The following EPB41L4A variants were observed in gnomAD, a reference collection of about 807,000 sequenced individuals.
EPB41L4A encodes band 4.1-like protein 4A.
Under a neutral mutation model 108.6 loss-of-function variants are expected in EPB41L4A, and 100 were observed. The ratio of observed to expected loss-of-function variants is 0.92; its 90% CI spans 0.78 to 1.09. The LOEUF (loss-of-function observed/expected upper bound fraction) is 1.09. Ranked by LOEUF, EPB41L4A falls within the 50% of genes least tolerant of loss-of-function variation. The pLI, the probability that EPB41L4A is intolerant of heterozygous loss-of-function variation, is 0.00. For synonymous variants in EPB41L4A, 319 were observed against 289.0 expected, an observed-to-expected ratio of 1.10 and a Z score of -1.05; for missense variants, 1,030 against 842.7, an observed-to-expected ratio of 1.22 and a Z score of -2.75.
At chr5:112,406,344 G>T (rs1233569489) in intron 1 of EPB41L4A, among the ~76,000 whole-genome samples, 1 of 152,118 alleles carries the variant, frequency 6.6e-6, no homozygotes, top group East Asian at 1.9e-4. Flanking sequence ...TTCCTGGAGA[G>T]ATATGCAGCA....
intron 1 of EPB41L4A, among the ~76,000 whole-genome samples, chr5:112,368,740 C>T (rs1561614768): frequency 1.3e-5 from 2 of 152,186 alleles, no homozygotes; most frequent in Admixed American, 1.3e-4. Context: ...CTCCCCACAA[C>T]TATTAGATGC....
In EPB41L4A at chr5:112,169,063, T is replaced by C. The variant is rs747025327; in HGVS notation, c.1782A>G (p.Pro594=). 5 of 1,614,072 alleles carry C rather than the reference T, an allele frequency of 3.1e-6. No individual in the cohort carries two copies. Among genetic ancestry groups the C allele is most frequent in the South Asian group, 1.1e-5 (1 of 91,090 alleles). ...ACCTGCGATACTGGCGGTAACTTCG[T>C]GGCGAATGAGAATGCCTGATGCGGA... ...DPIRIRHSHS[P]RSYRQYRRSQ... Residue 594 remains proline, a synonymous_variant, in exon 21 of 23, where the codon CCA becomes CCG. Coordinates refer to ENST00000261486, the MANE Select transcript of EPB41L4A (RefSeq NM_022140.5).
At chr5:112,381,141 A>G (rs969821517) in intron 1 of EPB41L4A, among the ~76,000 whole-genome samples, 4 of 152,248 alleles carry the variant, frequency 2.6e-5, no homozygotes, top group African/African-American at 9.6e-5. Context: ...GATCAAGACT[A>G]TAATACTGCT....
At chr5:112,313,770 G>A (rs564107485) in intron 1 of EPB41L4A, among the ~76,000 whole-genome samples, 5 of 151,156 alleles carry the variant, frequency 3.3e-5, no homozygotes, top group African/African-American at 1.2e-4. Flanking sequence ...AATGCATAGA[G>A]GAATATAGTG....
In EPB41L4A at chr5:112,404,231, T is replaced by C. The variant is rs1379608146; in HGVS notation, c.99+14710A>G. On this transcript the variant is annotated intron_variant, in intron 1 of 22. Transcript: ENST00000261486. ...ATAATAATGGCAGCTAACACACATT[T>C]GGCATTTACCATGTTATCATGTGCT... Among the ~76,000 whole-genome samples, 5 of 152,224 alleles carry C rather than the reference T, an allele frequency of 3.3e-5. No individual in the cohort carries two copies. The East Asian group carries it at 9.6e-4, about 29-fold the overall frequency.
At chr5:112,346,215 CATTT>C (rs1757660294) in intron 1 of EPB41L4A, among the ~76,000 whole-genome samples, 2 of 49,044 alleles carry the variant, frequency 4.1e-5, no homozygotes, top group African/African-American at 9.1e-5. Flanking sequence ...AGGTACATTG[CATTT>C]TTTTTTTTTT....
Position 112,419,258 on chromosome 5 carries a change from G to A in EPB41L4A, c.-219C>T, listed in dbSNP as rs1401037229. ...GGAGAGTCAGCGCCCGGGAGCCGCC[G>A]GGGAAGCGCCGGCGGAACTGGGCGC... On this transcript the variant is annotated 5_prime_UTR_variant, in exon 1 of 23. Transcript: ENST00000261486. 4 of 400,734 alleles carry A rather than the reference G, an allele frequency of 1.0e-5. No individual in the cohort carries two copies. Among genetic ancestry groups the A allele is most frequent in the Non-Finnish European group, 1.8e-5 (4 of 225,098 alleles). 24.8% of individuals were successfully genotyped at this position (400,734 alleles called of 1,614,324 possible). A position where few individuals can be genotyped will look rare whatever the true frequency, so the allele number is the denominator to read the frequency against.
intron 9 of EPB41L4A, among the ~76,000 whole-genome samples, chr5:112,255,806 C>G (rs958583026): frequency 6.6e-6 from 1 of 152,152 alleles, no homozygotes; most frequent in African/African-American, 2.4e-5. Context: ...TAGCTCACTT[C>G]TTATTTAATA....
intron 9 of EPB41L4A, among the ~76,000 whole-genome samples, chr5:112,248,135 T>C (rs1462169154): frequency 1.3e-5 from 2 of 152,148 alleles, no homozygotes; most frequent in Non-Finnish European, 2.9e-5. Context: ...CCTGGCAGAG[T>C]GATCCAAATA....
At chr5:112,289,101 C>G (rs1408241499) in intron 2 of EPB41L4A, among the ~76,000 whole-genome samples, 2 of 152,022 alleles carry the variant, frequency 1.3e-5, no homozygotes, top group Non-Finnish European at 2.9e-5. Flanking sequence ...ATGTAGTATT[C>G]CTCCCCTTTA....
intron 18 of EPB41L4A, 144 bp downstream of exon 18, chr5:112,183,872 A>T (rs1761287515): frequency 5.5e-6 from 6 of 1,090,592 alleles, no homozygotes; most frequent in Non-Finnish European, 7.8e-6. Flanking sequence ...TGGTTAATAA[A>T]TGTCACAAAT....
intron 1 of EPB41L4A, among the ~76,000 whole-genome samples, chr5:112,388,642 A>G (rs1760725778): frequency 6.6e-6 from 1 of 152,168 alleles, no homozygotes; most frequent in East Asian, 1.9e-4. Flanking sequence ...GACACAAGAC[A>G]CTGCTCTGTG....
chr5:112,207,281 A>G (rs1301985579), intron 13 of EPB41L4A, among the ~76,000 whole-genome samples: 1 of 152,218 alleles, frequency 6.6e-6, no homozygotes, highest in African/African-American at 2.4e-5. Context: ...TCCACTCAAG[A>G]TAGATTAAGA....
At chr5:112,198,186 C>T (rs1407438666) in intron 15 of EPB41L4A, among the ~76,000 whole-genome samples, 1 of 152,062 alleles carries the variant, frequency 6.6e-6, no homozygotes, top group East Asian at 1.9e-4. Context: ...AGGCATGCAC[C>T]ACCACGCCTG....
At chr5:112,352,764 T>C (rs958984545) in intron 1 of EPB41L4A, among the ~76,000 whole-genome samples, 1 of 152,244 alleles carries the variant, frequency 6.6e-6, no homozygotes, top group African/African-American at 2.4e-5. Flanking sequence ...ATGTGTGTTA[T>C]ATCTCACCAA....
At chr5:112,391,120 C>T (rs1760904295) in intron 1 of EPB41L4A, among the ~76,000 whole-genome samples, 1 of 152,138 alleles carries the variant, frequency 6.6e-6, no homozygotes, top group South Asian at 2.1e-4. Flanking sequence ...TGGGGAGAAA[C>T]CAGAGTAAAA....
chr5:112,415,799 T>C (rs952104321), intron 1 of EPB41L4A, among the ~76,000 whole-genome samples: 8 of 152,084 alleles, frequency 5.3e-5, no homozygotes, highest in Admixed American at 1.3e-4. Flanking sequence ...ACACAACCAA[T>C]AGCTCTCAGC....
At chr5:112,418,540 T>C (rs1428281496) in intron 1 of EPB41L4A, among the ~76,000 whole-genome samples, 2 of 152,090 alleles carry the variant, frequency 1.3e-5, no homozygotes, top group Admixed American at 6.5e-5. Flanking sequence ...CTAATAACAC[T>C]GTCAAGGAAA....
chr5:112,312,808 T>A (rs1755133717), intron 1 of EPB41L4A, among the ~76,000 whole-genome samples: 1 of 152,206 alleles, frequency 6.6e-6, no homozygotes. Flanking sequence ...ATTCTTCTTA[T>A]GGGTACTTTG....
Sources: allele counts gnomAD v4.1 joint callset (sites outside exome capture counted in the v4.1 genomes callset), GRCh38; gene constraint gnomAD v4.1.1; transcripts MANE v1.5; gene names NCBI Gene and HGNC (gene_info 2026-07-23, HGNC 2026-07-21).